Variants in NELL1 observed in about 807,000 individuals in gnomAD.
The protein encoded by NELL1 is neural EGFL like 1.
A neutral mutation model predicts 107.4 loss-of-function variants in NELL1; 76 were observed. The ratio of observed to expected loss-of-function variants is 0.71; its 90% CI spans 0.59 to 0.86. The LOEUF (loss-of-function observed/expected upper bound fraction) is 0.86, where lower values mean the gene tolerates loss of function less well. NELL1 is among the 40% of genes least tolerant of loss of function. NELL1 has a pLI of 0.00. For synonymous variants in NELL1, 353 were observed against 341.2 expected, an observed-to-expected ratio of 1.03 and a Z score of -0.38; for missense variants, 1,024 against 1,005.5, an observed-to-expected ratio of 1.02 and a Z score of -0.25.
chr11:21,117,469 C>A (rs2133735914), intron 13 of NELL1, among the ~76,000 whole-genome samples: 1 of 151,948 alleles, frequency 6.6e-6, no homozygotes, highest in African/African-American at 2.4e-5. Flanking sequence ...TGACTTTGGG[C>A]AAATTTTTCA....
chr11:21,571,698 C>T (rs1484808216), intron 18 of NELL1, among the ~76,000 whole-genome samples: 1 of 151,748 alleles, frequency 6.6e-6, no homozygotes, highest in East Asian at 2.0e-4. Flanking sequence ...TGAGAAAGTC[C>T]AGAGAAAAGG....
chr11:21,520,502 G>T (rs1308172254), intron 15 of NELL1, among the ~76,000 whole-genome samples: 1 of 152,120 alleles, frequency 6.6e-6, no homozygotes, highest in Admixed American at 6.5e-5. Flanking sequence ...AGAGGTTCTG[G>T]CCTATAGGGG....
chr11:21,213,137 A>C (rs1368615640), intron 13 of NELL1, among the ~76,000 whole-genome samples: 1 of 152,172 alleles, frequency 6.6e-6, no homozygotes, highest in African/African-American at 2.4e-5. Context: ...ATGCCTAAGA[A>C]AATGAAATAT....
At chr11:21,093,460 C>A (rs1446638443) in intron 12 of NELL1, among the ~76,000 whole-genome samples, 2 of 152,162 alleles carry the variant, frequency 1.3e-5, no homozygotes, top group Non-Finnish European at 2.9e-5. Flanking sequence ...TCAACTGAAC[C>A]ATACACTGCC....
chr11:20,791,968 T>C (rs1857084306), intron 3 of NELL1, among the ~76,000 whole-genome samples: 1 of 152,146 alleles, frequency 6.6e-6, no homozygotes, highest in Non-Finnish European at 1.5e-5. Context: ...AAATTCCACT[T>C]GGCTATGTTC....
rs569583032 is a variant in NELL1, at chr11:21,138,613, T to G, written c.1426+24899T>G. Among the ~76,000 whole-genome samples, 97 of 152,326 alleles carry G rather than the reference T, an allele frequency of 6.4e-4. 1 individual carries two copies. The highest frequency in any genetic ancestry group is 3.5e-3 in the South Asian group (17 of 4,826). ...AAGGCTTCTTGGGTCATGCTGGGTT[T>G]GAGATGTCAATAAACAAAGTATGAA... On this transcript the variant is annotated intron_variant, in intron 13 of 19. Coordinates refer to ENST00000357134, the MANE Select transcript of NELL1 (RefSeq NM_006157.5).
At chr11:20,780,398 A>T (rs1856829650) in intron 2 of NELL1, among the ~76,000 whole-genome samples, 1 of 152,214 alleles carries the variant, frequency 6.6e-6, no homozygotes, top group South Asian at 2.1e-4. Flanking sequence ...ATATATGGTT[A>T]CTTGAAGTAA....
At chr11:21,468,216 G>A (rs4411279) in intron 15 of NELL1, among the ~76,000 whole-genome samples, 127,595 of 152,000 alleles carry the variant, frequency 0.84, 53,755 homozygotes, top group East Asian at 0.97. Flanking sequence ...GAAAAACTCA[G>A]CTGACACAGA....
At chr11:21,121,175 A>G (rs1590656225) in intron 13 of NELL1, among the ~76,000 whole-genome samples, 1 of 152,166 alleles carries the variant, frequency 6.6e-6, no homozygotes, top group East Asian at 1.9e-4. Flanking sequence ...AAGAACAGAG[A>G]GGGTTGGAGT....
intron 3 of NELL1, among the ~76,000 whole-genome samples, chr11:20,807,153 C>A (rs576573134): frequency 2.1e-4 from 32 of 151,696 alleles, no homozygotes; most frequent in African/African-American, 7.3e-4. Context: ...TTGTAGTCTT[C>A]ACAGTCTGGG....
intron 2 of NELL1, among the ~76,000 whole-genome samples, chr11:20,683,383 A>G (rs971275643): frequency 6.6e-6 from 1 of 151,912 alleles, no homozygotes; most frequent in African/African-American, 2.4e-5. Context: ...TGTGTTGCTG[A>G]GGTTTGGTAT....
chr11:21,498,226 C>T lies in NELL1; in HGVS notation c.1646-36148C>T, dbSNP rs576210513. Among the ~76,000 whole-genome samples the T allele has an allele frequency of 2.8e-3, 430 of 150,882 alleles. 5 individuals carry two copies. Among genetic ancestry groups the T allele is most frequent in the African/African-American group, 9.9e-3 (409 of 41,282 alleles). On this transcript the variant is annotated intron_variant, in intron 15 of 19. Transcript: ENST00000357134. ...TTTTATATTCTTTCTTGACTCTATT[C>T]CTTCTACATTTTCCTCCCTGGTGAT...
At chr11:21,469,463 A>G (rs1000529385) in intron 15 of NELL1, among the ~76,000 whole-genome samples, 2 of 151,974 alleles carry the variant, frequency 1.3e-5, no homozygotes, top group Non-Finnish European at 2.9e-5. Flanking sequence ...GAATTTCATA[A>G]TTTCAGGGGA....
chr11:20,782,342 G>C lies in NELL1; in HGVS notation c.185-1338G>C, dbSNP rs538642203. ...GCCTGGGTTGGGTGTCTCCATGGTG[G>C]AGGACAAACATTGCTTTCTGCGATT... On this transcript the variant is annotated intron_variant, in intron 2 of 19. Transcript: ENST00000357134. Among the ~76,000 whole-genome samples, 5 of 152,294 alleles carry C rather than the reference G, an allele frequency of 3.3e-5. No homozygotes were observed. In the South Asian group the frequency reaches 1.0e-3, roughly 32 times the overall value.
intron 14 of NELL1, among the ~76,000 whole-genome samples, chr11:21,342,702 GGAGAGAGA>G (rs34390468): frequency 2.1e-5 from 3 of 145,030 alleles, no homozygotes; most frequent in South Asian, 2.2e-4. Context: ...GAAGGAAGAG[GGAGAGAGA>G]GAGAGAGAGA....
chr11:20,811,268 T>C (rs1322800378), intron 3 of NELL1, among the ~76,000 whole-genome samples: 2 of 152,188 alleles, frequency 1.3e-5, no homozygotes, highest in Non-Finnish European at 2.9e-5. Flanking sequence ...TTGTGTTTAC[T>C]CAACACCTTT....
intron 2 of NELL1, among the ~76,000 whole-genome samples, chr11:20,729,856 G>C (rs140248146): frequency 1.4e-3 from 216 of 152,262 alleles, no homozygotes; most frequent in African/African-American, 5.0e-3. Flanking sequence ...CTGTGGAGCT[G>C]AGCCAATGGG....
intron 14 of NELL1, among the ~76,000 whole-genome samples, chr11:21,232,060 A>C (rs1224838279): frequency 2.0e-5 from 3 of 150,596 alleles, no homozygotes; most frequent in African/African-American, 7.3e-5. Context: ...GCACTTTGGG[A>C]GGCTGCGGCG....
At chr11:21,339,027 T>A (rs1343395521) in intron 14 of NELL1, among the ~76,000 whole-genome samples, 3 of 152,188 alleles carry the variant, frequency 2.0e-5, no homozygotes, top group African/African-American at 7.2e-5. Flanking sequence ...GATCAAATAA[T>A]TAATCAGCGC....
Sources: gnomAD v4.1 joint callset for allele counts (sites outside exome capture counted in the v4.1 genomes callset) on GRCh38, gnomAD v4.1.1 for gene constraint, MANE v1.5 for transcripts, NCBI Gene and HGNC (gene_info 2026-07-23, HGNC 2026-07-21) for gene names.